Variants in GABRB1 observed in about 807,000 individuals in gnomAD.
GABRB1 encodes gamma-aminobutyric acid type A receptor subunit beta1, also known as gamma-aminobutyric acid receptor subunit beta-1.
GABRB1 carries 17 observed loss-of-function variants against 51.6 expected under a neutral mutation model. The ratio of observed to expected loss-of-function variants is 0.33; its 90% CI spans 0.23 to 0.49. GABRB1 has a LOEUF of 0.49. Among genes scored for constraint, GABRB1 ranks in the 20% least tolerant of loss-of-function variants. GABRB1 has a pLI of 0.99. For synonymous variants in GABRB1, 247 were observed against 218.9 expected (o/e 1.13, Z -1.14); for missense variants, 410 against 600.6 (o/e 0.68, Z 3.32).
chr4:47,151,414 C>T (rs914926049), intron 3 of GABRB1, among the ~76,000 whole-genome samples: 2 of 152,004 alleles, frequency 1.3e-5, no homozygotes, highest in Non-Finnish European at 2.9e-5. Context: ...TTAATTTCTT[C>T]ATTTCTTCAA....
At chr4:47,108,944 G>A (rs1715102211) in intron 3 of GABRB1, among the ~76,000 whole-genome samples, 1 of 152,068 alleles carries the variant, frequency 6.6e-6, no homozygotes, top group Non-Finnish European at 1.5e-5. Flanking sequence ...TTTATAGAAA[G>A]TTTGCTTCCC....
At chr4:47,172,855 T>C (rs1453760569) in intron 4 of GABRB1, among the ~76,000 whole-genome samples, 2 of 152,042 alleles carry the variant, frequency 1.3e-5, no homozygotes, top group South Asian at 2.1e-4. Context: ...TTGGCCAGGC[T>C]GGCCTTGAGC....
At chr4:47,281,450 A>G (rs1723290727) in intron 4 of GABRB1, among the ~76,000 whole-genome samples, 1 of 152,194 alleles carries the variant, frequency 6.6e-6, no homozygotes, top group South Asian at 2.1e-4. Context: ...GTTGGTATGA[A>G]TGTAAATTAG....
At chr4:47,403,817 T>G in intron 7 of GABRB1, 106 bp downstream of exon 7, 1 of 1,035,652 alleles carries the variant, frequency 9.7e-7, no homozygotes, top group East Asian at 2.5e-5. Context: ...GCCAAAGAAT[T>G]AGATCATCTT....
intron 5 of GABRB1, among the ~76,000 whole-genome samples, chr4:47,371,085 T>TCCCCCCC (rs59604624): frequency 6.9e-5 from 9 of 129,622 alleles, no homozygotes; most frequent in African/African-American, 1.2e-4. Flanking sequence ...ATGCTCTCCC[T>TCCCCCCC]CCCCCACCCC....
intron 4 of GABRB1, among the ~76,000 whole-genome samples, chr4:47,255,872 T>C (rs1274115261): frequency 6.6e-6 from 1 of 152,222 alleles, no homozygotes; most frequent in Non-Finnish European, 1.5e-5. Flanking sequence ...CTACAGGGAC[T>C]GTGGCTTGTT....
intron 4 of GABRB1, among the ~76,000 whole-genome samples, chr4:47,191,240 T>C (rs570352735): frequency 6.6e-6 from 1 of 152,198 alleles, no homozygotes; most frequent in Non-Finnish European, 1.5e-5. Flanking sequence ...GCAACATGTG[T>C]AACTCCTTTG....
chr4:47,155,100 A>G (rs1008042072), intron 3 of GABRB1, among the ~76,000 whole-genome samples: 5 of 152,074 alleles, frequency 3.3e-5, no homozygotes, highest in African/African-American at 1.2e-4. Flanking sequence ...ATCTACTCCT[A>G]TTCCAAAGAT....
intron 4 of GABRB1, among the ~76,000 whole-genome samples, chr4:47,300,471 A>G (rs965907349): frequency 2.0e-5 from 3 of 152,122 alleles, no homozygotes; most frequent in Non-Finnish European, 4.4e-5. Context: ...TATATTTTTC[A>G]TAATCTTAAA....
intron 4 of GABRB1, among the ~76,000 whole-genome samples, chr4:47,267,034 C>T (rs145676766): frequency 2.2e-4 from 33 of 151,992 alleles, no homozygotes; most frequent in African/African-American, 7.2e-4. Flanking sequence ...CAAGAAGATA[C>T]GACAATTCTA....
intron 4 of GABRB1, among the ~76,000 whole-genome samples, chr4:47,236,909 T>G (rs1220036521): frequency 6.6e-6 from 1 of 152,130 alleles, no homozygotes; most frequent in Admixed American, 6.5e-5. Context: ...ACACTGGATT[T>G]TAATGCATCA....
chr4:47,059,262 T>A (rs1726747169), intron 3 of GABRB1, among the ~76,000 whole-genome samples: 1 of 152,240 alleles, frequency 6.6e-6, no homozygotes, highest in African/African-American at 2.4e-5. Flanking sequence ...GGGAGCATGC[T>A]GTTTACCCCT....
At chr4:47,043,786 T>G (rs756311679) in intron 3 of GABRB1, among the ~76,000 whole-genome samples, 1 of 152,086 alleles carries the variant, frequency 6.6e-6, no homozygotes, top group Admixed American at 6.6e-5. Context: ...GAAAGCTATC[T>G]CCTTGAAATG....
intron 3 of GABRB1, among the ~76,000 whole-genome samples, chr4:47,123,411 TAC>T (rs1270573127): frequency 1.7e-5 from 2 of 120,968 alleles, no homozygotes; most frequent in African/African-American, 3.2e-5. Context: ...TATACATATA[TAC>T]ACATATATAT....
intron 8 of GABRB1, 44 bp downstream of exon 8, chr4:47,406,970 C>A (rs1447607879): frequency 6.3e-7 from 1 of 1,580,396 alleles, no homozygotes; most frequent in East Asian, 2.3e-5. Context: ...TTAAATTTAT[C>A]AGCATCATGA....
intron 8 of GABRB1, among the ~76,000 whole-genome samples, chr4:47,407,145 A>G (rs921154340): frequency 1.3e-5 from 2 of 152,232 alleles, no homozygotes; most frequent in Admixed American, 6.5e-5. Flanking sequence ...CCCCAAGTCC[A>G]TTATTATTTA....
chr4:47,301,655 T>C (rs1336737781), intron 4 of GABRB1, among the ~76,000 whole-genome samples: 1 of 150,334 alleles, frequency 6.7e-6, no homozygotes, highest in East Asian at 2.0e-4. Context: ...AACATTTCAA[T>C]TAACCCATTA....
intron 4 of GABRB1, among the ~76,000 whole-genome samples, chr4:47,236,757 A>G (rs1216937636): frequency 6.6e-6 from 1 of 152,182 alleles, no homozygotes; most frequent in Non-Finnish European, 1.5e-5. Flanking sequence ...TGCTGGCTCC[A>G]AGTGATCACT....
chr4:47,363,095 A>C (rs1040984384), intron 5 of GABRB1, among the ~76,000 whole-genome samples: 3 of 152,026 alleles, frequency 2.0e-5, no homozygotes, highest in Non-Finnish European at 4.4e-5. Flanking sequence ...GGAGATGAAG[A>C]CTTCCGAATT....
Sources: allele counts gnomAD v4.1 joint callset (sites outside exome capture counted in the v4.1 genomes callset), GRCh38; gene constraint gnomAD v4.1.1; transcripts MANE v1.5; gene names NCBI Gene and HGNC (gene_info 2026-07-23, HGNC 2026-07-21).